UBXN6: variants seen among roughly 807,000 people sequenced by gnomAD.
UBXN6 encodes the protein UBX domain protein 6.
In UBXN6, 44 loss-of-function variants were observed where a neutral mutation model predicts 51.4. The ratio of observed to expected loss-of-function variants is 0.86; its 90% CI spans 0.67 to 1.10. The LOEUF (loss-of-function observed/expected upper bound fraction) is 1.10, where lower values mean the gene tolerates loss of function less well. UBXN6 is among the 50% of genes least tolerant of loss of function. The pLI is 0.00. For missense variants in UBXN6, 672 were observed against 596.1 expected (o/e 1.13, Z -1.32); for synonymous variants, 316 against 263.2 (o/e 1.20, Z -1.94).
chr19:4,452,493 CTGG>C lies in UBXN6; in HGVS notation c.313-4_313-2del. ...AGCCTTCCTCTCTGGGCTCAGATAC[CTGG>C]GGCGGTGAAAGCGTCCAAGTCTGGA... is the stretch of plus-strand genomic sequence containing the variant. On this transcript the variant is annotated splice_acceptor_variant and splice_polypyrimidine_tract_variant and intron_variant, in intron 3 of 10. Coordinates refer to ENST00000301281, the MANE Select transcript of UBXN6 (RefSeq NM_025241.3). LOFTEE classifies it high-confidence loss of function. The C allele has an allele frequency of 6.2e-7, 1 of 1,610,142 alleles. No homozygotes were observed. Among genetic ancestry groups the C allele is most frequent in the Non-Finnish European group, 8.5e-7 (1 of 1,179,358 alleles).
rs758946725 is a variant in UBXN6 at position 4,446,352 on chromosome 19, GCTC to G, written c.979_981del (p.Glu327del). The G allele has an allele frequency of 2.5e-6, 4 of 1,570,808 alleles. No individual in the cohort carries two copies. The highest frequency in any genetic ancestry group is 1.8e-5 in the Admixed American group (1 of 55,084). On this transcript the variant is annotated inframe_deletion, in exon 9 of 11. Transcript: ENST00000301281. ...TAGTTGTACTTGCGCAGCCCCCGCT[GCTC>G]CTCCTTCTCCCGCATGGCCTTGGTC...
At chr19:4,456,853 A>G (rs1250968413) in intron 1 of UBXN6, among the ~76,000 whole-genome samples, 1 of 151,882 alleles carries the variant, frequency 6.6e-6, no homozygotes, top group East Asian at 1.9e-4. Flanking sequence ...CCCGGGTAAG[A>G]GTCCATCTGT....
chr19:4,455,342 C>G, intron 1 of UBXN6: 1 of 974,038 alleles, frequency 1.0e-6, no homozygotes, highest in East Asian at 1.1e-4. Flanking sequence ...CTCCTCGTCC[C>G]ACCCCTGCCT....
chr19:4,455,673 C>T (rs1599682444), intron 1 of UBXN6, among the ~76,000 whole-genome samples: 1 of 152,188 alleles, frequency 6.6e-6, no homozygotes, highest in East Asian at 1.9e-4. Flanking sequence ...CGCAGTTCTT[C>T]CCACACCCCA....
At chr19:4,455,114 TG>T in intron 1 of UBXN6, 1 of 730,336 alleles carries the variant, frequency 1.4e-6, no homozygotes, top group Non-Finnish European at 1.7e-6. Context: ...GTAACCCACG[TG>T]GCACAGTGAC....
At chr19:4,453,559 A>G in intron 2 of UBXN6, 37 bp from the exon 3 acceptor site, 1 of 1,608,404 alleles carries the variant, frequency 6.2e-7, no homozygotes, top group Non-Finnish European at 8.5e-7. Context: ...CAGAGACGGG[A>G]TAGTGAGCAC....
intron 1 of UBXN6, 79 bp downstream of exon 1, chr19:4,457,536 G>T: frequency 2.6e-6 from 3 of 1,155,598 alleles, no homozygotes; most frequent in African/African-American, 1.9e-5. Flanking sequence ...CCGATCTCCC[G>T]AGCCGCCCAA....
chr19:4,451,573 C>T (rs936714059), intron 4 of UBXN6, among the ~76,000 whole-genome samples: 2 of 152,026 alleles, frequency 1.3e-5, no homozygotes, highest in Admixed American at 1.3e-4. Flanking sequence ...AGGCTAAAGC[C>T]GAAGTTTCTG....
intron 10 of UBXN6, 158 bp from the exon 11 acceptor site, chr19:4,445,781 C>G: frequency 7.9e-7 from 1 of 1,264,168 alleles, no homozygotes. Flanking sequence ...CCTCTCCCTC[C>G]GGGACTCCAG....
chr19:4,451,885 C>T (rs565348066), intron 4 of UBXN6, among the ~76,000 whole-genome samples: 2 of 152,132 alleles, frequency 1.3e-5, no homozygotes, highest in Non-Finnish European at 2.9e-5. Flanking sequence ...CGTGGTGGCT[C>T]ACGTCTGTAA....
upstream of UBXN6, chr19:4,457,862 G>C (rs1974765501): frequency 2.2e-6 from 1 of 449,462 alleles, no homozygotes; most frequent in East Asian, 4.9e-5. Flanking sequence ...CCCCTGGCCT[G>C]CCACGTGACA....
intron 2 of UBXN6, 114 bp downstream of exon 2, chr19:4,453,816 G>T: frequency 6.8e-7 from 1 of 1,465,140 alleles, no homozygotes; most frequent in Non-Finnish European, 9.2e-7. Context: ...CCGCTCCCAA[G>T]GGTGACCCTC....
chr19:4,457,078 C>T (rs1974749004), intron 1 of UBXN6, among the ~76,000 whole-genome samples: 1 of 152,144 alleles, frequency 6.6e-6, no homozygotes, highest in African/African-American at 2.4e-5. Flanking sequence ...CACCACCCCA[C>T]CCCACAGCTG....
intron 4 of UBXN6, 48 bp from the exon 5 acceptor site, chr19:4,448,463 C>CA (rs1974587191): frequency 4.1e-6 from 6 of 1,480,702 alleles, no homozygotes; most frequent in East Asian, 2.4e-5. Flanking sequence ...GCCCGGGCCG[C>CA]ACGGCCCTCC....
chr19:4,448,218 C>T, intron 5 of UBXN6, 100 bp downstream of exon 5: 2 of 1,105,592 alleles, frequency 1.8e-6, no homozygotes, highest in East Asian at 2.6e-5. Context: ...CAACCCACCT[C>T]AGCAGGTAAT....
intron 4 of UBXN6, chr19:4,449,181 C>T (rs1030465086): frequency 6.5e-6 from 1 of 153,364 alleles, no homozygotes; most frequent in South Asian, 2.1e-4. Context: ...AGCCATCACA[C>T]ACGGCCACAC....
intron 1 of UBXN6, among the ~76,000 whole-genome samples, chr19:4,456,983 C>G (rs569340013): frequency 2.0e-5 from 3 of 152,084 alleles, no homozygotes; most frequent in Non-Finnish European, 4.4e-5. Flanking sequence ...CTTCCAGACT[C>G]TTTCTAGTCT....
Position 4,445,289 on chromosome 19 carries a change from G to A in UBXN6, c.*209C>T, listed in dbSNP as rs554769753. 9 of 749,084 alleles carry A rather than the reference G, an allele frequency of 1.2e-5. No homozygotes were observed. The highest frequency in any genetic ancestry group is 1.0e-4 in the South Asian group (6 of 57,768). 46.4% of individuals were successfully genotyped at this position (749,084 alleles called of 1,614,324 possible). ...GTTGGTGTCCCCAGGCCTCTCCCTC[G>A]GGGGCTTGGGCGCATCCCCACAGCC... On this transcript the variant is annotated 3_prime_UTR_variant, in exon 11 of 11. Transcript: ENST00000301281.
At chr19:4,448,238 A>G (rs1974579722) in intron 5 of UBXN6, 80 bp downstream of exon 5, 1 of 1,303,902 alleles carries the variant, frequency 7.7e-7, no homozygotes, top group South Asian at 1.3e-5. Flanking sequence ...TGAGGGGGCC[A>G]GAGGGGGTGA....
Sources: allele counts gnomAD v4.1 joint callset (sites outside exome capture counted in the v4.1 genomes callset), GRCh38; gene constraint gnomAD v4.1.1; transcripts MANE v1.5; gene names NCBI Gene and HGNC (gene_info 2026-07-23, HGNC 2026-07-21).